Variants in RPL32 observed in about 807,000 individuals in gnomAD.
The protein encoded by RPL32 is ribosomal protein L32.
For synonymous variants in RPL32, 61 were observed against 62.6 expected (o/e 0.98, Z 0.12); for missense variants, 117 against 173.7 (o/e 0.67, Z 1.83).
At chr3:12,841,084 G>A (rs886427714) in intron 1 of RPL32, 11 of 153,456 alleles carry the variant, frequency 7.2e-5, no homozygotes, top group Admixed American at 3.9e-4. Flanking sequence ...GCAGCCCTCG[G>A]GCCAGAGACT....
At chr3:12,836,836 G>A (rs1344781250) in intron 3 of RPL32, among the ~76,000 whole-genome samples, 3 of 152,156 alleles carry the variant, frequency 2.0e-5, no homozygotes, top group African/African-American at 7.2e-5. Flanking sequence ...GGCCTAACAA[G>A]CACACTTCAG....
In RPL32 at chr3:12,835,889, A is replaced by G. The variant is rs565781795; in HGVS notation, c.*205T>C. The G allele has an allele frequency of 1.7e-6, 1 of 595,902 alleles. No homozygotes were observed. Among genetic ancestry groups the G allele is most frequent in the African/African-American group, 1.9e-5 (1 of 53,706 alleles). 36.9% of individuals were successfully genotyped at this position (595,902 alleles called of 1,614,324 possible). ...GGAGATGACTAAGGCTAGTCTGTGC[A>G]CTTGAGGCCACATTCCCCTGTTCAA... On this transcript the variant is annotated 3_prime_UTR_variant, in exon 4 of 4. Coordinates refer to ENST00000429711, the MANE Select transcript of RPL32 (RefSeq NM_000994.4).
chr3:12,839,861 G>A (rs1358946978), intron 2 of RPL32, among the ~76,000 whole-genome samples: 3 of 152,308 alleles, frequency 2.0e-5, no homozygotes, highest in East Asian at 3.9e-4. Flanking sequence ...TATAAAATAG[G>A]GATCCTGCTG....
chr3:12,839,328 T>G (rs768472605), intron 3 of RPL32, 21 bp downstream of exon 3: 1 of 1,610,492 alleles, frequency 6.2e-7, no homozygotes, highest in Non-Finnish European at 8.5e-7. Context: ...CACTGAAAAC[T>G]AGAGGTGGGA....
chr3:12,840,251 G>A lies in RPL32; in HGVS notation c.-5-9C>T, dbSNP rs771045264. On this transcript the variant is annotated splice_polypyrimidine_tract_variant and intron_variant, in intron 1 of 3. Transcript: ENST00000429711. ...GAGGGCGGCCATGATGCCTTTTGGG[G>A]AAGAAGCGGCCCCAGGTGAGGAAGA... 14 of 1,603,152 alleles carry A rather than the reference G, an allele frequency of 8.7e-6. No individual in the cohort carries two copies. The Admixed American group carries it at 2.3e-4, about 27-fold the overall frequency.
rs1198624656 is a variant in RPL32 at position 12,836,134 on chromosome 3, G to C, written c.368C>G (p.Thr123Ser). Residue 123 changes from threonine (T) to serine (S), a missense_variant, in exon 4 of 4, where the codon ACC becomes AGC. Thr to Ser is a moderately conservative substitution (Grantham distance 58). Coordinates refer to ENST00000429711, the MANE Select transcript of RPL32 (RefSeq NM_000994.4). ...ERAAQLAIRV[T>S]NPNARLRSEE... Reference sequence around the variant, plus strand: ...ACTGCGCAGCCTGGCATTGGGGTTGGTGACTCTGATGGCCAGTTGGGCAGC... The same window carrying C: ...ACTGCGCAGCCTGGCATTGGGGTTGCTGACTCTGATGGCCAGTTGGGCAGC... 9.9e-6 allele frequency: 16 copies of C among 1,609,190 alleles called. No homozygotes were observed. Among genetic ancestry groups the C allele is most frequent in the Non-Finnish European group, 1.3e-5 (15 of 1,179,952 alleles).
Position 12,835,867 on chromosome 3 carries a change from G to A in RPL32, c.*227C>T, listed in dbSNP as rs748424135. Reference sequence around the variant, plus strand: ...CCCCTCATACCCAGCCTCAACTGGAGATGACTAAGGCTAGTCTGTGCACTT... The same window carrying A: ...CCCCTCATACCCAGCCTCAACTGGAAATGACTAAGGCTAGTCTGTGCACTT... On this transcript the variant is annotated 3_prime_UTR_variant, in exon 4 of 4. Coordinates refer to ENST00000429711, the MANE Select transcript of RPL32 (RefSeq NM_000994.4). The A allele has an allele frequency of 1.9e-6, 1 of 534,436 alleles. No homozygotes were observed. The highest frequency in any genetic ancestry group is 3.3e-6 in the Non-Finnish European group (1 of 299,844). 33.1% of individuals were successfully genotyped at this position (534,436 alleles called of 1,614,324 possible). A position where few individuals can be genotyped will look rare whatever the true frequency, so the allele number is the denominator to read the frequency against.
chr3:12,838,745 T>C (rs2124884120), intron 3 of RPL32, among the ~76,000 whole-genome samples: 1 of 152,290 alleles, frequency 6.6e-6, no homozygotes, highest in South Asian at 2.1e-4. Flanking sequence ...GACATTCCTT[T>C]CTAGTGATAA....
At chr3:12,837,627 A>G (rs1387235311) in intron 3 of RPL32, among the ~76,000 whole-genome samples, 1 of 152,238 alleles carries the variant, frequency 6.6e-6, no homozygotes, top group Non-Finnish European at 1.5e-5. Context: ...GCCTGGTTAA[A>G]TTTCCAATCT....
At chr3:12,838,328 AC>A (rs1305461873) in intron 3 of RPL32, among the ~76,000 whole-genome samples, 2 of 152,148 alleles carry the variant, frequency 1.3e-5, no homozygotes, top group African/African-American at 4.8e-5. Context: ...AACGCCTGAA[AC>A]TGGGCGGTGG....
chr3:12,840,743 C>G, intron 1 of RPL32: 1 of 330,456 alleles, frequency 3.0e-6, no homozygotes, highest in Non-Finnish European at 6.0e-6. Flanking sequence ...CTACCACACC[C>G]TCAACACACA....
chr3:12,836,949 T>C lies in RPL32; in HGVS notation c.279-726A>G, dbSNP rs1039775684. Among the ~76,000 whole-genome samples, 10 of 152,326 alleles carry C rather than the reference T, an allele frequency of 6.6e-5. No homozygotes were observed. The South Asian group carries it at 1.7e-3, about 25-fold the overall frequency. On this transcript the variant is annotated intron_variant, in intron 3 of 3. Transcript: ENST00000429711. ...GAAGCAGCAGGACTGTGAGGAGTGA[T>C]TGAGGCAGTGGACACACAGCTCTTT...
chr3:12,838,666 C>T (rs1258882146), intron 3 of RPL32, among the ~76,000 whole-genome samples: 1 of 150,634 alleles, frequency 6.6e-6, no homozygotes, highest in Non-Finnish European at 1.5e-5. Flanking sequence ...AGGCCCCCAG[C>T]AACCATCTGA....
At chr3:12,840,581 C>T (rs1239433347) in intron 1 of RPL32, 1 of 482,306 alleles carries the variant, frequency 2.1e-6, no homozygotes, top group Non-Finnish European at 4.2e-6. Flanking sequence ...CCCAGATGGT[C>T]CTTCCGGTAG....
chr3:12,838,899 C>T (rs897003488), intron 3 of RPL32, among the ~76,000 whole-genome samples: 2 of 152,164 alleles, frequency 1.3e-5, no homozygotes, highest in Admixed American at 1.3e-4. Context: ...CCCCGCCCAC[C>T]TTGGACACAT....
At position 12,839,517 on chromosome 3, in the gene RPL32, T is replaced by G. The variant is rs770901410; in HGVS notation, c.110A>C (p.Lys37Thr). The change falls in exon 3 of 4, where the codon AAA becomes ACA. Residue 37 changes from lysine (K) to threonine (T), a missense_variant. Coordinates refer to ENST00000429711, the MANE Select transcript of RPL32 (RefSeq NM_000994.4). ...RYVKIKRNWR[K>T]PRGIDNRVRR... ...AACCCTGTTGTCAATGCCTCTGGGT[T>G]TCCGCCAGTTACGCTGAAGGAAATA... The G allele has an allele frequency of 1.2e-6, 2 of 1,614,198 alleles. No individual in the cohort carries two copies. Among genetic ancestry groups the G allele is most frequent in the Non-Finnish European group, 1.7e-6 (2 of 1,180,030 alleles).
Position 12,840,052 on chromosome 3 carries a change from G to C in RPL32, c.96+90C>G, listed in dbSNP as rs1329431703. 8.6e-6 allele frequency: 9 copies of C among 1,051,560 alleles called. No individual in the cohort carries two copies. In the South Asian group the frequency reaches 1.0e-4, roughly 12 times the overall value. 65.1% of individuals were successfully genotyped at this position (1,051,560 alleles called of 1,614,324 possible). ...AAGCTCTTCCACAAGCCAGTTCATC[G>C]GTCAAAGATAATCCTGACTAGGTGA... is the stretch of plus-strand genomic sequence containing the variant. On this transcript the variant is annotated intron_variant, in intron 2 of 3. Transcript: ENST00000429711.
chr3:12,838,395 G>A (rs922603426), intron 3 of RPL32, among the ~76,000 whole-genome samples: 3 of 152,166 alleles, frequency 2.0e-5, no homozygotes, highest in Non-Finnish European at 4.4e-5. Flanking sequence ...AAGAGAGCAA[G>A]ACTTCATCTT....
At chr3:12,838,627 C>T (rs191603262) in intron 3 of RPL32, among the ~76,000 whole-genome samples, 18 of 152,074 alleles carry the variant, frequency 1.2e-4, no homozygotes, top group Non-Finnish European at 2.5e-4. Flanking sequence ...TTGACCTTCT[C>T]CCGCTTGTAA....
Sources: gnomAD v4.1 joint callset for allele counts (sites outside exome capture counted in the v4.1 genomes callset) on GRCh38, gnomAD v4.1.1 for gene constraint, MANE v1.5 for transcripts, NCBI Gene and HGNC (gene_info 2026-07-23, HGNC 2026-07-21) for gene names.